EWSR1: variants seen among roughly 807,000 people sequenced by gnomAD.
EWSR1 encodes the protein RNA-binding protein EWS.
Under a neutral mutation model 92.1 loss-of-function variants are expected in EWSR1, and 14 were observed. The observed-to-expected ratio is 0.15, with a 90% CI of 0.10 to 0.24. The LOEUF (loss-of-function observed/expected upper bound fraction) is 0.24. Ranked by LOEUF, EWSR1 falls within the 10% of genes least tolerant of loss-of-function variation. The pLI is 1.00. For missense variants in EWSR1, 637 were observed against 870.9 expected (o/e 0.73, Z 3.38); for synonymous variants, 303 against 292.9 (o/e 1.03, Z -0.35).
At chr22:29,272,292 A>G (rs750321493) in intron 2 of EWSR1, 40 bp downstream of exon 2, 20 of 1,613,086 alleles carry the variant, frequency 1.2e-5, no homozygotes, top group Non-Finnish European at 1.7e-5. Context: ...TGTGTGATTA[A>G]TATTTTTTGA....
chr22:29,288,576 C>T lies in EWSR1; in HGVS notation c.794-30C>T, dbSNP rs752285716. 8 of 1,583,842 alleles carry T rather than the reference C, an allele frequency of 5.1e-6. No homozygotes were observed. In the South Asian group the frequency reaches 8.0e-5, roughly 16 times the overall value. ...TCAGGCAGTGGTGTAAATGCTGGTC[C>T]ATGGCTTACAGATGTGACTCTTTCC... On this transcript the variant is annotated intron_variant, in intron 7 of 16. Coordinates refer to ENST00000397938, the MANE Select transcript of EWSR1 (RefSeq NM_005243.4).
intron 4 of EWSR1, 105 bp downstream of exon 4, chr22:29,273,969 A>G: frequency 7.1e-7 from 1 of 1,409,494 alleles, no homozygotes; most frequent in Non-Finnish European, 9.7e-7. Flanking sequence ...ATACCTTGGC[A>G]TCTGGGGAAT....
chr22:29,274,442 G>C (rs1307158908), intron 4 of EWSR1: 1 of 715,884 alleles, frequency 1.4e-6, no homozygotes, highest in Non-Finnish European at 2.5e-6. Context: ...GCCATTTGCA[G>C]ATCCATGTCC....
At chr22:29,296,442 T>C (rs1007058174) in intron 12 of EWSR1, 74 bp downstream of exon 12, 9 of 1,568,602 alleles carry the variant, frequency 5.7e-6, no homozygotes, top group South Asian at 3.5e-5. Context: ...TTGTGAACCA[T>C]AGGAGCAAGA....
At chr22:29,268,941 C>G (rs895967246) in intron 1 of EWSR1, among the ~76,000 whole-genome samples, 1 of 152,248 alleles carries the variant, frequency 6.6e-6, no homozygotes, top group African/African-American at 2.4e-5. Context: ...GCTTCCAGCC[C>G]CAAGCCGAAC....
Position 29,280,877 on chromosome 22 carries a change from T to G in EWSR1, c.414-1513T>G, listed in dbSNP as rs1465031172. Among the ~76,000 whole-genome samples, 360 of 105,710 alleles carry G rather than the reference T, an allele frequency of 3.4e-3. 23 individuals carry two copies. The highest frequency in any genetic ancestry group is 8.5e-3 in the African/African-American group (246 of 29,104). 69.3% of individuals were successfully genotyped at this position (105,710 alleles called of 152,430 possible). ...TGTGTGTGTTGTTTTTTTTTTTTTT[T>G]TTTTTTTTTTTTTTTTTTTTTTGAC... is the stretch of plus-strand genomic sequence containing the variant. On this transcript the variant is annotated intron_variant, in intron 5 of 16. Transcript: ENST00000397938.
At chr22:29,283,173 A>G (rs1231974439) in intron 6 of EWSR1, among the ~76,000 whole-genome samples, 1 of 152,238 alleles carries the variant, frequency 6.6e-6, no homozygotes, top group Non-Finnish European at 1.5e-5. Context: ...GCAGAAGTAT[A>G]TGAAAGCATG....
rs199648590 is a variant in EWSR1 at position 29,268,355 on chromosome 22, T to G, written c.13+6T>G. 1 of 1,613,674 alleles carries G rather than the reference T, an allele frequency of 6.2e-7. No individual in the cohort carries two copies. Among genetic ancestry groups the G allele is most frequent in the Admixed American group, 1.7e-5 (1 of 60,000 alleles). On this transcript the variant is annotated splice_donor_region_variant and intron_variant, in intron 1 of 16. Transcript: ENST00000397938. ...AGAGAAAATGGCGTCCACGGGTGAG[T>G]ATGGTGGAACTGCGGTCGCGCCGGC... is the stretch of plus-strand genomic sequence containing the variant.
chr22:29,288,996 T>C (rs2060250961), intron 8 of EWSR1: 3 of 514,506 alleles, frequency 5.8e-6, no homozygotes, highest in Non-Finnish European at 9.9e-6. Flanking sequence ...GTATACTTCG[T>C]TGGGTCGGGG....
At chr22:29,294,303 T>C (rs977683333) in intron 11 of EWSR1, among the ~76,000 whole-genome samples, 1 of 152,176 alleles carries the variant, frequency 6.6e-6, no homozygotes, top group African/African-American at 2.4e-5. Flanking sequence ...TTATTACTGG[T>C]GTATAGAAAT....
chr22:29,284,378 C>T (rs1309483722), intron 6 of EWSR1, among the ~76,000 whole-genome samples: 1 of 151,252 alleles, frequency 6.6e-6, no homozygotes, highest in Non-Finnish European at 1.5e-5. Context: ...CTTTTTTGCA[C>T]TCATTTCATT....
chr22:29,275,306 A>T (rs1163503664), intron 4 of EWSR1, among the ~76,000 whole-genome samples: 1 of 152,224 alleles, frequency 6.6e-6, no homozygotes. Flanking sequence ...ATCATTTTAC[A>T]GGAATGAGAC....
chr22:29,299,169 C>CT, intron 14 of EWSR1, 65 bp from the exon 15 acceptor site: 1 of 1,613,382 alleles, frequency 6.2e-7, no homozygotes, highest in South Asian at 1.1e-5. Flanking sequence ...GTTCACACAC[C>CT]ACCTTTCCTT....
intron 1 of EWSR1, chr22:29,269,695 A>G (rs1326795233): frequency 3.7e-5 from 5 of 135,666 alleles, no homozygotes; most frequent in East Asian, 1.9e-4. Context: ...GGGATACCAA[A>G]GAGTGGATAC....
chr22:29,293,021 G>A (rs751948854), intron 11 of EWSR1, among the ~76,000 whole-genome samples: 8 of 151,968 alleles, frequency 5.3e-5, no homozygotes, highest in Non-Finnish European at 1.0e-4. Flanking sequence ...CAAAGTGCTG[G>A]GATTACAGGT....
intron 12 of EWSR1, 74 bp from the exon 13 acceptor site, chr22:29,297,753 T>A (rs2060979694): frequency 6.3e-7 from 1 of 1,579,628 alleles, no homozygotes; most frequent in Non-Finnish European, 8.6e-7. Context: ...CTGGGAGTGG[T>A]CATTTGATGA....
chr22:29,293,983 C>G (rs183314366), intron 11 of EWSR1, among the ~76,000 whole-genome samples: 538 of 152,170 alleles, frequency 3.5e-3, no homozygotes, highest in African/African-American at 0.012. Flanking sequence ...GTCTCCTTGC[C>G]TCAGCCTCCC....
At chr22:29,290,301 G>T in intron 8 of EWSR1, 1 of 997,188 alleles carries the variant, frequency 1.0e-6, no homozygotes, top group Non-Finnish European at 1.5e-6. Context: ...TACAGGTAAG[G>T]CACTCAATGT....
intron 5 of EWSR1, among the ~76,000 whole-genome samples, chr22:29,280,503 G>A (rs1313972681): frequency 6.6e-6 from 1 of 152,132 alleles, no homozygotes; most frequent in African/African-American, 2.4e-5. Flanking sequence ...ATTAATTTTC[G>A]TCATTTAACA....
Sources: gnomAD v4.1 joint callset for allele counts (sites outside exome capture counted in the v4.1 genomes callset) on GRCh38, gnomAD v4.1.1 for gene constraint, MANE v1.5 for transcripts, NCBI Gene and HGNC (gene_info 2026-07-23, HGNC 2026-07-21) for gene names.